TMEM141: variants seen among roughly 807,000 people sequenced by gnomAD.
TMEM141 encodes the protein transmembrane protein 141.
TMEM141 carries 18 observed loss-of-function variants against 15.9 expected under a neutral mutation model. The observed-to-expected ratio is 1.13, with a 90% CI of 0.78 to 1.68. The LOEUF (loss-of-function observed/expected upper bound fraction) is 1.68, where lower values mean the gene tolerates loss of function less well. TMEM141 is among the 40% of genes most tolerant of loss of function. TMEM141 has a pLI of 0.00. For synonymous variants in TMEM141, 69 were observed against 54.0 expected (o/e 1.28, Z -1.22); for missense variants, 161 against 139.5 (o/e 1.15, Z -0.78).
At chr9:136,792,439 C>T in intron 4 of TMEM141, 81 bp downstream of exon 4, 2 of 1,169,620 alleles carry the variant, frequency 1.7e-6, no homozygotes, top group South Asian at 1.3e-5. Flanking sequence ...CCTGGGTGCA[C>T]CATGCGATAG....
At chr9:136,792,504 G>A in intron 4 of TMEM141, 146 bp downstream of exon 4, 3 of 684,458 alleles carry the variant, frequency 4.4e-6, no homozygotes, top group East Asian at 2.7e-5. Context: ...ACTGCCAGAT[G>A]GGTTGGAGCT....
At chr9:136,791,897 G>A in intron 2 of TMEM141, 50 bp from the exon 3 acceptor site, 2 of 1,613,272 alleles carry the variant, frequency 1.2e-6, no homozygotes, top group African/African-American at 1.3e-5. Flanking sequence ...GGCAAGGTGG[G>A]CCCTGGCTAT....
rs879703193 is a variant in TMEM141 at position 136,791,370 on chromosome 9, C to T, written c.-1C>T. On this transcript the variant is annotated 5_prime_UTR_variant, in exon 1 of 5. Transcript: ENST00000290079. ...GGCCCGCTCCCCGAGCCCTGCCAAC[C>T]ATGGTGAACTTGGGTCTGTCCCGGG... The T allele has an allele frequency of 5.8e-6, 9 of 1,560,654 alleles. No homozygotes were observed. Among genetic ancestry groups the T allele is most frequent in the Non-Finnish European group, 7.8e-6 (9 of 1,152,708 alleles).
intron 3 of TMEM141, 26 bp downstream of exon 3, chr9:136,792,056 G>C (rs998607152): frequency 6.2e-7 from 1 of 1,612,818 alleles, no homozygotes. Flanking sequence ...CCCCTGCCTG[G>C]GCTCTTTGAG....
chr9:136,791,835 T>C, intron 2 of TMEM141, 58 bp downstream of exon 2: 1 of 1,601,616 alleles, frequency 6.2e-7, no homozygotes, highest in South Asian at 1.1e-5. Flanking sequence ...CGCCCTGCCC[T>C]GACTCCCCAG....
chr9:136,791,764 C>T lies in TMEM141; in HGVS notation c.108C>T (p.Phe36=). Residue 36 remains phenylalanine, a synonymous_variant, in exon 2 of 5, where the codon TTC becomes TTT. Coordinates refer to ENST00000290079, the MANE Select transcript of TMEM141 (RefSeq NM_032928.4). ...CACACGCCTTCATGAAGGGCGTTTT[C>T]ACCTTCGTCACAGGTAGGCTGCGTC... ...CQSHAFMKGV[F]TFVTGTGMAF... 2 of 1,613,604 alleles carry T rather than the reference C, an allele frequency of 1.2e-6. No individual in the cohort carries two copies. The highest frequency in any genetic ancestry group is 1.7e-6 in the Non-Finnish European group (2 of 1,179,924).
chr9:136,791,598 AAGC>A, intron 1 of TMEM141, 110 bp from the exon 2 acceptor site: 1 of 1,568,068 alleles, frequency 6.4e-7, no homozygotes, highest in Non-Finnish European at 8.7e-7. Flanking sequence ...GGACGTGTCC[AAGC>A]GCCCAGGGTC....
At chr9:136,792,524 C>T (rs921268739) in intron 4 of TMEM141, among the ~76,000 whole-genome samples, 166 bp downstream of exon 4, 10 of 152,118 alleles carry the variant, frequency 6.6e-5, no homozygotes, top group African/African-American at 2.4e-4. Flanking sequence ...TGGGGGTGGG[C>T]GCAGTAGACA....
intron 3 of TMEM141, 69 bp downstream of exon 3, chr9:136,792,099 T>A: frequency 6.3e-7 from 1 of 1,594,810 alleles, no homozygotes; most frequent in Non-Finnish European, 8.6e-7. Context: ...GGGCTGTGGT[T>A]CTGCGTCCCT....
At position 136,793,045 on chromosome 9, in the gene TMEM141, C is replaced by T; in HGVS notation, c.*213C>T. On this transcript the variant is annotated 3_prime_UTR_variant, in exon 5 of 5. Coordinates refer to ENST00000290079, the MANE Select transcript of TMEM141 (RefSeq NM_032928.4). ...GGAGGTTGGAGCAGAAAGGGCTCTC[C>T]CTGGGGTGGTGTTTCTCCTCTAGGG... is the stretch of plus-strand genomic sequence containing the variant. 1 of 480,328 alleles carries T rather than the reference C, an allele frequency of 2.1e-6. No individual in the cohort carries two copies. Among genetic ancestry groups the T allele is most frequent in the Non-Finnish European group, 3.2e-6 (1 of 309,590 alleles). 29.8% of individuals were successfully genotyped at this position (480,328 alleles called of 1,614,324 possible).
Position 136,792,997 on chromosome 9 carries a change from T to C in TMEM141, c.*165T>C. On this transcript the variant is annotated 3_prime_UTR_variant, in exon 5 of 5. Coordinates refer to ENST00000290079, the MANE Select transcript of TMEM141 (RefSeq NM_032928.4). Reference sequence around the variant, plus strand: ...CTGACAAACACCTGCAGATGGCTGCTGCCCCAACCTGGGACCTGCCCAGGA... The same window carrying C: ...CTGACAAACACCTGCAGATGGCTGCCGCCCCAACCTGGGACCTGCCCAGGA... The C allele has an allele frequency of 1.0e-6, 1 of 980,226 alleles. No individual in the cohort carries two copies. The highest frequency in any genetic ancestry group is 1.3e-6 in the Non-Finnish European group (1 of 754,530). The allele number at this position is 980,226 out of a possible 1,614,324, so 60.7% of individuals were successfully genotyped here. A position where few individuals can be genotyped will look rare whatever the true frequency, so the allele number is the denominator to read the frequency against.
Position 136,792,258 on chromosome 9 carries a change from C to T in TMEM141, c.213C>T (p.Gly71=). ...CCATTTCCTGCTCCACAGTTGCAGGCTCTGTGGTCAGCTACGGGGTGACGA... is the reference window on the plus strand; with the variant it reads ...CCATTTCCTGCTCCACAGTTGCAGGTTCTGTGGTCAGCTACGGGGTGACGA... ...QWSLLVAVVA[G]SVVSYGVTRV... is the part of the protein sequence containing the mutation. Residue 71 remains glycine, a synonymous_variant, in exon 4 of 5, where the codon GGC becomes GGT. Coordinates refer to ENST00000290079, the MANE Select transcript of TMEM141 (RefSeq NM_032928.4). 1 of 1,581,424 alleles carries T rather than the reference C, an allele frequency of 6.3e-7. No individual in the cohort carries two copies. The highest frequency in any genetic ancestry group is 8.6e-7 in the Non-Finnish European group (1 of 1,162,972).
Position 136,792,985 on chromosome 9 carries a change from G to A in TMEM141, c.*153G>A. On this transcript the variant is annotated 3_prime_UTR_variant, in exon 5 of 5. Coordinates refer to ENST00000290079, the MANE Select transcript of TMEM141 (RefSeq NM_032928.4). ...GTGTGGCCAGGCCTGACAAACACCT[G>A]CAGATGGCTGCTGCCCCAACCTGGG... is the stretch of plus-strand genomic sequence containing the variant. 3 of 1,087,210 alleles carry A rather than the reference G, an allele frequency of 2.8e-6. No individual in the cohort carries two copies. The highest frequency in any genetic ancestry group is 3.5e-6 in the Non-Finnish European group (3 of 849,252). The allele number at this position is 1,087,210 out of a possible 1,614,324, so 67.3% of individuals were successfully genotyped here. A position where few individuals can be genotyped will look rare whatever the true frequency, so the allele number is the denominator to read the frequency against.
In TMEM141 at chr9:136,793,000, C is replaced by T; in HGVS notation, c.*168C>T. On this transcript the variant is annotated 3_prime_UTR_variant, in exon 5 of 5. Coordinates refer to ENST00000290079, the MANE Select transcript of TMEM141 (RefSeq NM_032928.4). ...ACAAACACCTGCAGATGGCTGCTGC[C>T]CCAACCTGGGACCTGCCCAGGAGGT... 4.3e-6 allele frequency: 4 copies of T among 924,376 alleles called. No homozygotes were observed. The highest frequency in any genetic ancestry group is 5.6e-6 in the Non-Finnish European group (4 of 719,530). 57.3% of individuals were successfully genotyped at this position (924,376 alleles called of 1,614,324 possible).
chr9:136,792,283 A>C lies in TMEM141; in HGVS notation c.238A>C (p.Arg80=). ...AGSVVSYGVT[R]VESEKCNNLW... ...CTCTGTGGTCAGCTACGGGGTGACG[A>C]GAGTGGAGTCGGAGAAATGCAACAA... The change falls in exon 4 of 5, where the codon AGA becomes CGA. Residue 80 remains arginine, a synonymous_variant. Transcript: ENST00000290079. 4 of 1,588,852 alleles carry C rather than the reference A, an allele frequency of 2.5e-6. No individual in the cohort carries two copies. In the South Asian group the frequency reaches 3.4e-5, roughly 14 times the overall value.
Position 136,791,691 on chromosome 9 carries a change from A to G in TMEM141, c.55-20A>G. 1 of 1,605,578 alleles carries G rather than the reference A, an allele frequency of 6.2e-7. No homozygotes were observed. Among genetic ancestry groups the G allele is most frequent in the Non-Finnish European group, 8.5e-7 (1 of 1,176,666 alleles). On this transcript the variant is annotated intron_variant, in intron 1 of 4. Transcript: ENST00000290079. ...GAAGAGGGCAGGGGATCGAGCCTTC[A>G]CCCGCCTCTGCCACCCCAGGGACTC... is the stretch of plus-strand genomic sequence containing the variant.
chr9:136,791,540 C>G (rs1299864310), intron 1 of TMEM141, 116 bp downstream of exon 1: 20 of 1,552,580 alleles, frequency 1.3e-5, no homozygotes, highest in South Asian at 2.4e-5. Flanking sequence ...GCTGGGGGCA[C>G]TCTCTTGCTA....
At chr9:136,792,497 G>C (rs2784040) in intron 4 of TMEM141, 139 bp downstream of exon 4, 212,492 of 697,924 alleles carry the variant, frequency 0.3, 34,657 homozygotes, top group African/African-American at 0.46. Flanking sequence ...GCATGTGACT[G>C]CCAGATGGGT....
chr9:136,792,004 T>G lies in TMEM141; in HGVS notation c.179T>G (p.Leu60Trp), dbSNP rs1847595663. ...ATTCAGAGGAAGTTTCCATACCCTT[T>G]GCAGTGGAGCCTCCTAGTGGCCGTG... Reference protein sequence around the residue: ...MFIQRKFPYPLQWSLLVAVVA... With the variant: ...MFIQRKFPYPWQWSLLVAVVA... Residue 60 changes from leucine (L) to tryptophan (W), a missense_variant, in exon 3 of 5, where the codon TTG (leucine) becomes TGG (tryptophan). Physicochemically the swap from Leu to Trp is moderately conservative, Grantham distance 61 (BLOSUM62 -2). Transcript: ENST00000290079. The G allele has an allele frequency of 6.2e-7, 1 of 1,614,060 alleles. No homozygotes were observed. The highest frequency in any genetic ancestry group is 8.5e-7 in the Non-Finnish European group (1 of 1,179,998).
Sources: gnomAD v4.1 joint callset for allele counts (sites outside exome capture counted in the v4.1 genomes callset) on GRCh38, gnomAD v4.1.1 for gene constraint, MANE v1.5 for transcripts, NCBI Gene and HGNC (gene_info 2026-07-23, HGNC 2026-07-21) for gene names.